Variants in NTM observed in about 807,000 individuals in gnomAD.
The protein encoded by NTM is IgLON family member 2.
Under a neutral mutation model 42.1 loss-of-function variants are expected in NTM, and 13 were observed. That is an observed-to-expected ratio of 0.31 (90% CI 0.20 to 0.49). The LOEUF (loss-of-function observed/expected upper bound fraction) is 0.49. NTM is among the 20% of genes least tolerant of loss of function. The probability of loss-of-function intolerance (pLI) is 0.99; values close to 1 mark genes in which losing one functional copy is unlikely to be tolerated. For synonymous variants in NTM, 187 were observed against 179.2 expected (o/e 1.04, Z -0.35); for missense variants, 373 against 452.8 (o/e 0.82, Z 1.60).
Position 131,547,714 on chromosome 11 carries a change from C to T in NTM, c.82+176826C>T, listed in dbSNP as rs186349484. 5.3e-5 allele frequency among the ~76,000 whole-genome samples: 8 copies of T among 152,272 alleles called. No homozygotes were observed. In the East Asian group the frequency reaches 1.5e-3, roughly 29 times the overall value. On this transcript the variant is annotated intron_variant, in intron 1 of 8. Transcript: ENST00000683400. ...TTTTCTAAGATGGAGTCACTTACGT[C>T]AAGAGTGACTATACTATACACCCTC...
At chr11:131,711,876 C>G (rs2135303466) in intron 1 of NTM, among the ~76,000 whole-genome samples, 1 of 148,978 alleles carries the variant, frequency 6.7e-6, no homozygotes, top group South Asian at 2.1e-4. Context: ...TAAACTATCG[C>G]AAGGACAAAA....
intron 2 of NTM, among the ~76,000 whole-genome samples, chr11:132,055,083 A>T (rs936188595): frequency 1.3e-5 from 2 of 152,232 alleles, no homozygotes; most frequent in African/African-American, 4.8e-5. Context: ...CCTACATGGC[A>T]TTGGAATGGA....
At chr11:132,134,458 G>A (rs1330630123) in intron 2 of NTM, among the ~76,000 whole-genome samples, 1 of 151,652 alleles carries the variant, frequency 6.6e-6, no homozygotes, top group Non-Finnish European at 1.5e-5. Context: ...CCAAGGTGTT[G>A]TCTTTTATCC....
chr11:132,082,794 A>G (rs1008717359), intron 2 of NTM, among the ~76,000 whole-genome samples: 1 of 152,210 alleles, frequency 6.6e-6, no homozygotes, highest in Non-Finnish European at 1.5e-5. Context: ...CCATTGTTCA[A>G]GGCTCTGGTT....
chr11:131,663,113 C>T (rs1592424407), intron 1 of NTM: 1 of 152,178 alleles, frequency 6.6e-6, no homozygotes, highest in Non-Finnish European at 1.5e-5. Flanking sequence ...CCCCAACACA[C>T]AAACACTGGC....
chr11:132,217,624 G>T (rs1485351883), intron 4 of NTM, among the ~76,000 whole-genome samples: 1 of 151,972 alleles, frequency 6.6e-6, no homozygotes, highest in Non-Finnish European at 1.5e-5. Flanking sequence ...TACCTAACGT[G>T]AAGTGGGTAC....
At chr11:132,150,976 C>G (rs896790677) in intron 3 of NTM, among the ~76,000 whole-genome samples, 3 of 152,180 alleles carry the variant, frequency 2.0e-5, no homozygotes, top group African/African-American at 7.2e-5. Flanking sequence ...TTTGCATGTC[C>G]TGAACATAAT....
At chr11:132,161,876 G>A (rs1035504008) in intron 3 of NTM, among the ~76,000 whole-genome samples, 7 of 152,188 alleles carry the variant, frequency 4.6e-5, no homozygotes, top group African/African-American at 1.4e-4. Flanking sequence ...ATAATCAGAT[G>A]CACCTTTTTA....
chr11:131,438,964 G>A (rs1949374591), intron 1 of NTM, among the ~76,000 whole-genome samples: 1 of 152,146 alleles, frequency 6.6e-6, no homozygotes, highest in African/African-American at 2.4e-5. Flanking sequence ...TATAGATGGG[G>A]TTTTGGTATG....
intron 2 of NTM, among the ~76,000 whole-genome samples, chr11:132,137,415 A>C (rs1713233957): frequency 6.6e-6 from 1 of 152,206 alleles, no homozygotes; most frequent in South Asian, 2.1e-4. Flanking sequence ...TGATTCTTTG[A>C]GCTGGCCTTT....
intron 1 of NTM, among the ~76,000 whole-genome samples, chr11:131,726,340 G>T (rs906553511): frequency 6.9e-6 from 1 of 145,038 alleles, no homozygotes; most frequent in Non-Finnish European, 1.5e-5. Context: ...GCACAAGTCA[G>T]TGTCTGTCCT....
chr11:131,580,119 C>G (rs1050098924), intron 1 of NTM, among the ~76,000 whole-genome samples: 1 of 152,104 alleles, frequency 6.6e-6, no homozygotes, highest in Non-Finnish European at 1.5e-5. Flanking sequence ...ATAAAGGAAT[C>G]CGAGAGCTCA....
At chr11:132,116,814 C>T (rs2063964311) in intron 2 of NTM, among the ~76,000 whole-genome samples, 1 of 152,154 alleles carries the variant, frequency 6.6e-6, no homozygotes, top group South Asian at 2.1e-4. Flanking sequence ...AGCCCCTTTC[C>T]GTGATGCTAT....
intron 1 of NTM, among the ~76,000 whole-genome samples, chr11:131,575,126 G>A (rs997622258): frequency 2.0e-5 from 3 of 152,222 alleles, no homozygotes; most frequent in East Asian, 1.9e-4. Flanking sequence ...TCCATAATTC[G>A]CCAGTTTAGG....
chr11:132,017,763 G>T (rs2073666049), intron 2 of NTM, among the ~76,000 whole-genome samples: 4 of 151,946 alleles, frequency 2.6e-5, no homozygotes, highest in Admixed American at 2.6e-4. Context: ...GATATATTGA[G>T]TCTTTAAATC....
chr11:131,701,883 C>T (rs893564554), intron 1 of NTM, among the ~76,000 whole-genome samples: 25 of 152,120 alleles, frequency 1.6e-4, no homozygotes, highest in African/African-American at 6.0e-4. Flanking sequence ...AAATGTACCA[C>T]CCTGGTTTTA....
chr11:131,505,789 T>A (rs970955516), intron 1 of NTM, among the ~76,000 whole-genome samples: 10 of 152,186 alleles, frequency 6.6e-5, no homozygotes, highest in African/African-American at 2.2e-4. Flanking sequence ...TTGAGAACTA[T>A]CTTCTCCTTC....
intron 1 of NTM, among the ~76,000 whole-genome samples, chr11:131,826,540 G>T (rs573564744): frequency 6.8e-6 from 1 of 147,212 alleles, no homozygotes; most frequent in Non-Finnish European, 1.5e-5. Flanking sequence ...AGTCAGCTAC[G>T]TCGAGGGATT....
chr11:131,544,682 C>T (rs965723820), intron 1 of NTM, among the ~76,000 whole-genome samples: 8 of 152,206 alleles, frequency 5.3e-5, no homozygotes, highest in African/African-American at 1.9e-4. Flanking sequence ...CATCCACTTC[C>T]CGTCATTCAG....
Sources: gnomAD v4.1 joint callset for allele counts (sites outside exome capture counted in the v4.1 genomes callset) on GRCh38, gnomAD v4.1.1 for gene constraint, MANE v1.5 for transcripts, NCBI Gene and HGNC (gene_info 2026-07-23, HGNC 2026-07-21) for gene names.